Variants in ANK2 observed in about 807,000 individuals in gnomAD.
ANK2 encodes ankyrin-2.
In ANK2, 83 loss-of-function variants were observed where a neutral mutation model predicts 360.5. The ratio of observed to expected loss-of-function variants is 0.23; its 90% CI spans 0.19 to 0.28. The LOEUF (loss-of-function observed/expected upper bound fraction) is 0.28, where lower values mean the gene tolerates loss of function less well. ANK2 is among the 10% of genes least tolerant of loss of function. ANK2 has a pLI of 1.00. For missense variants in ANK2, 4,201 were observed against 4,795.7 expected (o/e 0.88, Z 3.66); for synonymous variants, 1,740 against 1,759.5 (o/e 0.99, Z 0.28).
At chr4:112,876,735 AAAG>A (rs1190061741) in intron 1 of ANK2, among the ~76,000 whole-genome samples, 4 of 152,170 alleles carry the variant, frequency 2.6e-5, no homozygotes, top group Non-Finnish European at 4.4e-5. Flanking sequence ...TCTTGCAGCC[AAAG>A]AAGAAGTAAT....
chr4:112,723,426 C>T, the ANK2 span, among the ~76,000 whole-genome samples: 96 of 152,080 alleles, frequency 6.3e-4, no homozygotes, highest in African/African-American at 2.1e-3. Context: ...TGCAGTGGCG[C>T]GATCTCGGCG....
At chr4:112,762,596 G>T in the ANK2 span, among the ~76,000 whole-genome samples, 1 of 152,192 alleles carries the variant, frequency 6.6e-6, no homozygotes, top group East Asian at 1.9e-4. Flanking sequence ...TGCAACCTCT[G>T]CCTCCCGGGT....
At chr4:113,100,807 C>A (rs2352183) in intron 1 of ANK2, among the ~76,000 whole-genome samples, 73,625 of 151,888 alleles carry the variant, frequency 0.48, 18,845 homozygotes, top group African/African-American at 0.64. Context: ...AATGAACTAT[C>A]AAGCCACAAA....
chr4:113,367,939 TAAA>T, intron 42 of ANK2, 88 bp downstream of exon 42: 2 of 1,502,832 alleles, frequency 1.3e-6, no homozygotes, highest in Non-Finnish European at 1.8e-6. Context: ...AACTAGTTTT[TAAA>T]TACTTTTTAA....
chr4:113,208,977 G>A (rs1474540569), intron 4 of ANK2, among the ~76,000 whole-genome samples: 2 of 151,894 alleles, frequency 1.3e-5, no homozygotes. Context: ...AGAGGCAAAG[G>A]GCATACTTCC....
In ANK2 at chr4:112,833,558, C is replaced by T. The variant is rs548805874; in HGVS notation, c.-40+15294C>T. ...TCGCTCTGTCCCCCAGGCTGGAGTG[C>T]AGTGGCGCCATCTCTGCTCACTGCA... On this transcript the variant is annotated intron_variant, in intron 1 of 30. Coordinates refer to the ANK2 transcript ENST00000503271. 6.0e-5 allele frequency among the ~76,000 whole-genome samples: 9 copies of T among 149,258 alleles called. No homozygotes were observed. In the East Asian group the frequency reaches 1.2e-3, roughly 20 times the overall value.
chr4:112,802,431 G>C, the ANK2 span, among the ~76,000 whole-genome samples: 2 of 152,258 alleles, frequency 1.3e-5, no homozygotes, highest in South Asian at 4.1e-4. Context: ...TTTTCCACCA[G>C]CAGCATAATG....
intron 1 of ANK2, among the ~76,000 whole-genome samples, chr4:113,094,878 C>T (rs2090318572): frequency 6.6e-6 from 1 of 152,126 alleles, no homozygotes; most frequent in Non-Finnish European, 1.5e-5. Context: ...GTTTTTGTAA[C>T]TAATTAATGG....
At chr4:113,255,999 A>G in intron 11 of ANK2, 67 bp downstream of exon 11, 9 of 1,535,870 alleles carry the variant, frequency 5.9e-6, no homozygotes, top group Non-Finnish European at 8.1e-6. Context: ...TTCATTGACC[A>G]ACATGCATAC....
chr4:113,288,245 A>G (rs1222631290), intron 19 of ANK2, 143 bp from the exon 20 acceptor site: 3 of 736,338 alleles, frequency 4.1e-6, no homozygotes, highest in Non-Finnish European at 6.7e-6. Context: ...GGGCACATAT[A>G]TAATCTGCTA....
chr4:112,788,127 G>T, the ANK2 span: 12 of 1,579,468 alleles, frequency 7.6e-6, no homozygotes, highest in African/African-American at 1.3e-5. Context: ...GCCTTTTCGA[G>T]CTTGGCAATG....
intron 45 of ANK2, 67 bp downstream of exon 45, chr4:113,373,516 A>T: frequency 6.5e-7 from 1 of 1,528,778 alleles, no homozygotes; most frequent in South Asian, 1.1e-5. Flanking sequence ...AAGAAAGATG[A>T]GTGAGATTGT....
intron 1 of ANK2, among the ~76,000 whole-genome samples, chr4:112,892,384 T>G (rs936032525): frequency 9.2e-5 from 14 of 152,234 alleles, no homozygotes; most frequent in Non-Finnish European, 1.5e-4. Flanking sequence ...AAATTATACA[T>G]ACATCTACCT....
At chr4:113,175,377 C>G (rs1344564175) in intron 2 of ANK2, among the ~76,000 whole-genome samples, 1 of 152,122 alleles carries the variant, frequency 6.6e-6, no homozygotes, top group African/African-American at 2.4e-5. Flanking sequence ...GAAACTGAGC[C>G]CGGTATCTTA....
chr4:113,285,493 G>C (rs2064094888), intron 18 of ANK2, among the ~76,000 whole-genome samples: 1 of 152,166 alleles, frequency 6.6e-6, no homozygotes, highest in South Asian at 2.1e-4. Context: ...AGAGCTCACA[G>C]AAACACTTAC....
At chr4:112,991,714 C>T (rs2046907931) in intron 2 of ANK2, among the ~76,000 whole-genome samples, 1 of 145,768 alleles carries the variant, frequency 6.9e-6, no homozygotes, top group Admixed American at 7.1e-5. Flanking sequence ...CTCAACTGAA[C>T]TCCTTCCCTT....
chr4:113,327,063 T>A (rs1029740394), intron 26 of ANK2, among the ~76,000 whole-genome samples: 1 of 152,202 alleles, frequency 6.6e-6, no homozygotes, highest in African/African-American at 2.4e-5. Context: ...ATTTTTCCAA[T>A]TTGCTTTGGA....
the ANK2 span, among the ~76,000 whole-genome samples, chr4:112,711,540 G>C: frequency 6.6e-6 from 1 of 151,932 alleles, no homozygotes; most frequent in Non-Finnish European, 1.5e-5. Context: ...CAACAGGCCG[G>C]GCATGGAGGC....
At chr4:112,848,646 TAA>T (rs2063902326) in intron 1 of ANK2, among the ~76,000 whole-genome samples, 2 of 152,334 alleles carry the variant, frequency 1.3e-5, no homozygotes, top group East Asian at 3.9e-4. Flanking sequence ...TTCTGTTATA[TAA>T]GTTTTATTAT....
Sources: allele counts gnomAD v4.1 joint callset (sites outside exome capture counted in the v4.1 genomes callset), GRCh38; gene constraint gnomAD v4.1.1; transcripts MANE v1.5; gene names NCBI Gene and HGNC (gene_info 2026-07-23, HGNC 2026-07-21).